ODAD2: variants seen among roughly 807,000 people sequenced by gnomAD.
ODAD2 encodes the protein outer dynein arm-docking complex subunit 2.
A neutral mutation model predicts 106.8 loss-of-function variants in ODAD2; 89 were observed. That is an observed-to-expected ratio of 0.83 (90% confidence interval 0.70 to 0.99). The LOEUF is 0.99. Ranked by LOEUF, ODAD2 falls within the 50% of genes least tolerant of loss-of-function variation. ODAD2 has a pLI of 0.00. For missense variants in ODAD2, 1,168 were observed against 1,238.5 expected, an observed-to-expected ratio of 0.94 and a Z score of 0.85; for synonymous variants, 404 against 436.2, an observed-to-expected ratio of 0.93 and a Z score of 0.92.
intron 16 of ODAD2, among the ~76,000 whole-genome samples, chr10:27,922,329 AG>A (rs78833558): frequency 0.16 from 24,325 of 151,972 alleles, 2,945 homozygotes; most frequent in African/African-American, 0.34. Context: ...ATTCTCCTAG[AG>A]GGATGAGCTC....
At chr10:27,948,779 A>ATTTTTTTTTTTTTTTTTTTTTTT (rs11451204) in intron 10 of ODAD2, among the ~76,000 whole-genome samples, 3 of 40,320 alleles carry the variant, frequency 7.4e-5, no homozygotes, top group African/African-American at 1.0e-4. Flanking sequence ...TGGCCTTTGG[A>ATTTTTTTTTTTTTTTTTTTTTTT]TTTTTTTTTT....
chr10:27,898,490 G>T (rs910191806), intron 17 of ODAD2, among the ~76,000 whole-genome samples: 1 of 152,048 alleles, frequency 6.6e-6, no homozygotes, highest in South Asian at 2.1e-4. Context: ...CTTTAACATG[G>T]TTAGTATTCC....
chr10:27,865,676 T>C (rs1213379806), intron 17 of ODAD2, among the ~76,000 whole-genome samples: 5 of 152,224 alleles, frequency 3.3e-5, no homozygotes, highest in Non-Finnish European at 7.3e-5. Flanking sequence ...TATGCCAGTT[T>C]CTAGCAGTTA....
At chr10:27,965,886 C>A (rs577702242) in intron 9 of ODAD2, among the ~76,000 whole-genome samples, 1 of 152,320 alleles carries the variant, frequency 6.6e-6, no homozygotes, top group East Asian at 1.9e-4. Context: ...TCTAACTCAA[C>A]ATTAAACTCA....
chr10:27,881,778 T>C (rs1431970529), intron 17 of ODAD2, among the ~76,000 whole-genome samples: 2 of 152,230 alleles, frequency 1.3e-5, no homozygotes, highest in Non-Finnish European at 2.9e-5. Flanking sequence ...TAAGGTACTA[T>C]GTGTTGTACA....
chr10:27,889,690 A>G (rs1842440307), intron 17 of ODAD2, among the ~76,000 whole-genome samples: 1 of 152,190 alleles, frequency 6.6e-6, no homozygotes, highest in Admixed American at 6.5e-5. Flanking sequence ...ATGGACTTCA[A>G]GTCTCCCAGC....
chr10:27,982,549 T>C (rs1830425744), intron 6 of ODAD2, among the ~76,000 whole-genome samples: 1 of 152,182 alleles, frequency 6.6e-6, no homozygotes, highest in Admixed American at 6.5e-5. Context: ...CTACTGCCTC[T>C]TTGTAGAAAT....
At position 27,936,790 on chromosome 10, in the gene ODAD2, C is replaced by T. The variant is rs1327164758; in HGVS notation, c.2188G>A (p.Glu730Lys). ...GCCCCTGTGACAGCAGCTAACCGCT[C>T]TTTATTGTCAGTGTTATTGAGTAGA... ...ASLLNNTDNK[E>K]RLAAVTGAIW... Residue 730 changes from glutamate (E) to lysine (K), a missense_variant, in exon 15 of 20, where the codon GAG becomes AAG. Glu to Lys is a moderately conservative substitution (Grantham distance 56). Around this residue, in one of 3 missense-constraint regions of ODAD2, gnomAD observed 701 missense variants for 712.3 expected, o/e 0.98. Coordinates refer to ENST00000305242, the MANE Select transcript of ODAD2 (RefSeq NM_018076.5). The T allele has an allele frequency of 6.2e-7, 1 of 1,614,050 alleles. No homozygotes were observed. Among genetic ancestry groups the T allele is most frequent in the Admixed American group, 1.7e-5 (1 of 60,014 alleles).
At chr10:27,932,620 C>T (rs1845691557) in intron 16 of ODAD2, among the ~76,000 whole-genome samples, 1 of 152,174 alleles carries the variant, frequency 6.6e-6, no homozygotes, top group African/African-American at 2.4e-5. Context: ...CTCAGGTTCT[C>T]CATGTTGGCT....
intron 1 of ODAD2, 64 bp downstream of exon 1, chr10:27,998,930 G>GCGCCGCCGCCGC (rs71391007): frequency 1.9e-5 from 3 of 156,350 alleles, no homozygotes; most frequent in South Asian, 1.8e-4. Context: ...CCTCCCCCGG[G>GCGCCGCCGCCGC]CGCCGCCGCC....
intron 19 of ODAD2, among the ~76,000 whole-genome samples, chr10:27,832,536 GAC>G (rs760343073): frequency 2.0e-5 from 3 of 151,024 alleles, no homozygotes; most frequent in African/African-American, 7.3e-5. Context: ...CACACACACA[GAC>G]ACACACACAC....
intron 17 of ODAD2, among the ~76,000 whole-genome samples, chr10:27,877,245 A>G (rs556764954): frequency 1.3e-5 from 2 of 152,252 alleles, no homozygotes; most frequent in Non-Finnish European, 2.9e-5. Flanking sequence ...TGACTTCCCA[A>G]TTCTCCAGTT....
intron 17 of ODAD2, chr10:27,904,227 G>T (rs1442108739): frequency 5.1e-6 from 2 of 394,288 alleles, no homozygotes; most frequent in Non-Finnish European, 1.0e-5. Context: ...CATTCCTAAA[G>T]CCTTCCAGAC....
intron 17 of ODAD2, among the ~76,000 whole-genome samples, chr10:27,893,318 C>G (rs183980433): frequency 2.0e-5 from 3 of 152,018 alleles, no homozygotes; most frequent in Non-Finnish European, 4.4e-5. Flanking sequence ...TATAAAAAAA[C>G]GGATAACATC....
intron 10 of ODAD2, among the ~76,000 whole-genome samples, chr10:27,954,765 C>T (rs565689043): frequency 5.3e-5 from 8 of 152,180 alleles, no homozygotes; most frequent in South Asian, 2.1e-4. Context: ...TTGGGAAAGA[C>T]GGAGAGGAGC....
rs372974968 is a variant in ODAD2 at position 27,884,198 on chromosome 10, AT to A, written c.2611-21577del. Among the ~76,000 whole-genome samples, 495 of 152,292 alleles carry A rather than the reference AT, an allele frequency of 3.3e-3. 2 individuals carry two copies. Among genetic ancestry groups the A allele is most frequent in the African/African-American group, 0.011 (474 of 41,574 alleles). On this transcript the variant is annotated intron_variant, in intron 17 of 19. Coordinates refer to ENST00000305242, the MANE Select transcript of ODAD2 (RefSeq NM_018076.5). ...AAAATGACTCAAACAAGGGAACCTC[AT>A]TAAGCTCAACAGCTGACTTTTCATC... is the stretch of plus-strand genomic sequence containing the variant.
At chr10:27,881,019 C>G (rs1841670100) in intron 17 of ODAD2, among the ~76,000 whole-genome samples, 1 of 152,206 alleles carries the variant, frequency 6.6e-6, no homozygotes, top group Admixed American at 6.5e-5. Context: ...GCATCCATCA[C>G]TATCAGCAAT....
At chr10:27,937,339 C>CTTTT (rs57375404) in intron 14 of ODAD2, among the ~76,000 whole-genome samples, 2 of 132,770 alleles carry the variant, frequency 1.5e-5, no homozygotes, top group African/African-American at 2.9e-5. Context: ...TTTCTTTTTT[C>CTTTT]TTTTTTTTTT....
At chr10:27,927,027 G>A (rs1345959552) in intron 16 of ODAD2, among the ~76,000 whole-genome samples, 1 of 151,986 alleles carries the variant, frequency 6.6e-6, no homozygotes, top group East Asian at 1.9e-4. Context: ...TGGTGGTGGG[G>A]CATAAGGCAT....
Sources: gnomAD v4.1 joint callset for allele counts (sites outside exome capture counted in the v4.1 genomes callset) on GRCh38, gnomAD v4.1.1 for gene constraint, gnomAD v4.1.1 regional missense constraint, MANE v1.5 for transcripts, NCBI Gene and HGNC (gene_info 2026-07-23, HGNC 2026-07-21) for gene names.